The following BLTP3B variants were observed in gnomAD, a reference collection of about 807,000 sequenced individuals.
BLTP3B encodes bridge-like lipid transfer protein family member 3B.
At chr12:100,134,829 T>C in the BLTP3B span, among the ~76,000 whole-genome samples, 2 of 152,220 alleles carry the variant, frequency 1.3e-5, no homozygotes, top group Non-Finnish European at 2.9e-5. Flanking sequence ...AATCCACATC[T>C]TACCTGTCGG....
At chr12:100,101,463 T>C in the BLTP3B span, among the ~76,000 whole-genome samples, 1 of 152,176 alleles carries the variant, frequency 6.6e-6, no homozygotes, top group South Asian at 2.1e-4. Context: ...ATACTATACA[T>C]GTTCAGAGCT....
chr12:100,061,529 C>T, the BLTP3B span, among the ~76,000 whole-genome samples: 21 of 151,792 alleles, frequency 1.4e-4, no homozygotes, highest in Non-Finnish European at 2.5e-4. Flanking sequence ...TGGTGGCGGG[C>T]GCCTGTAGTC....
At chr12:100,061,490 T>C in the BLTP3B span, among the ~76,000 whole-genome samples, 2 of 151,964 alleles carry the variant, frequency 1.3e-5, no homozygotes, top group African/African-American at 4.8e-5. Flanking sequence ...ACCCCGTCTC[T>C]ACTAAAAATG....
chr12:100,039,445 C>G, the BLTP3B span: 1 of 711,500 alleles, frequency 1.4e-6, no homozygotes, highest in Middle Eastern at 3.5e-4. Context: ...TTGCTCAACA[C>G]TCTAACCATA....
chr12:100,056,824 GA>G, the BLTP3B span, among the ~76,000 whole-genome samples: 311 of 137,340 alleles, frequency 2.3e-3, 1 homozygote, highest in South Asian at 3.0e-3. Flanking sequence ...GCGACAGAGT[GA>G]AAAAAAAAAA....
chr12:100,058,564 A>C, the BLTP3B span: 7 of 1,612,610 alleles, frequency 4.3e-6, no homozygotes, highest in Non-Finnish European at 5.9e-6. Context: ...GAAGACAAAA[A>C]ATCCCCATTT....
At chr12:100,139,235 G>C in the BLTP3B span, among the ~76,000 whole-genome samples, 1 of 152,322 alleles carries the variant, frequency 6.6e-6, no homozygotes, top group East Asian at 1.9e-4. Context: ...TAGATTTACA[G>C]TTCTCAAATA....
the BLTP3B span, among the ~76,000 whole-genome samples, chr12:100,056,824 GAA>G: frequency 7.3e-6 from 1 of 137,552 alleles, no homozygotes; most frequent in Non-Finnish European, 1.6e-5. Flanking sequence ...GCGACAGAGT[GAA>G]AAAAAAAAAA....
chr12:100,130,088 T>C, the BLTP3B span, among the ~76,000 whole-genome samples: 2 of 152,158 alleles, frequency 1.3e-5, no homozygotes, highest in Non-Finnish European at 2.9e-5. Context: ...CTCCTGAGTA[T>C]CTGGGATTAC....
At chr12:100,095,263 T>C in the BLTP3B span, among the ~76,000 whole-genome samples, 11 of 152,242 alleles carry the variant, frequency 7.2e-5, no homozygotes, top group Admixed American at 3.9e-4. Flanking sequence ...ACAGAAGTTT[T>C]GTGTTCAATT....
chr12:100,134,494 G>A, the BLTP3B span, among the ~76,000 whole-genome samples: 6 of 151,982 alleles, frequency 3.9e-5, no homozygotes, highest in Non-Finnish European at 4.4e-5. Flanking sequence ...GCGGCTGCCT[G>A]TAATTCCAGC....
At chr12:100,104,711 T>A in the BLTP3B span, among the ~76,000 whole-genome samples, 2 of 151,748 alleles carry the variant, frequency 1.3e-5, no homozygotes, top group Admixed American at 1.3e-4. Flanking sequence ...TACCCTGTAC[T>A]AAAAATGCCA....
At chr12:100,063,442 C>T in the BLTP3B span, among the ~76,000 whole-genome samples, 1 of 152,166 alleles carries the variant, frequency 6.6e-6, no homozygotes, top group Non-Finnish European at 1.5e-5. Flanking sequence ...CACAGTGGCT[C>T]ACGCCTGTAA....
chr12:100,065,369 C>T, the BLTP3B span, among the ~76,000 whole-genome samples: 4 of 151,822 alleles, frequency 2.6e-5, no homozygotes, highest in African/African-American at 9.7e-5. Flanking sequence ...GGTCTGACTG[C>T]CTGCGGGGTT....
the BLTP3B span, chr12:100,059,844 T>A: frequency 1.1e-5 from 17 of 1,604,414 alleles, no homozygotes; most frequent in African/African-American, 1.5e-4. Context: ...CTTGTTTGTA[T>A]GATACCTTTA....
chr12:100,048,055 G>A, the BLTP3B span: 310 of 1,613,018 alleles, frequency 1.9e-4, 4 homozygotes, highest in South Asian at 3.2e-3. Flanking sequence ...AAGAAACTCA[G>A]TGCTGAAGTT....
chr12:100,079,777 G>A, the BLTP3B span, among the ~76,000 whole-genome samples: 2 of 152,202 alleles, frequency 1.3e-5, no homozygotes, highest in African/African-American at 2.4e-5. Context: ...TATAGGCCCA[G>A]AGGCCTAGAA....
At chr12:100,062,007 T>C in the BLTP3B span, among the ~76,000 whole-genome samples, 4 of 152,324 alleles carry the variant, frequency 2.6e-5, no homozygotes, top group African/African-American at 9.6e-5. Context: ...TAGTCCATTA[T>C]GACTCATATT....
At chr12:100,110,077 A>T in the BLTP3B span, among the ~76,000 whole-genome samples, 4 of 152,250 alleles carry the variant, frequency 2.6e-5, no homozygotes, top group African/African-American at 9.6e-5. Context: ...TATGCCCAAC[A>T]AATAATTTTT....
Sources: gnomAD v4.1 joint callset for allele counts (sites outside exome capture counted in the v4.1 genomes callset) on GRCh38, gnomAD v4.1.1 for gene constraint, MANE v1.5 for transcripts, NCBI Gene and HGNC (gene_info 2026-07-23, HGNC 2026-07-21) for gene names.